The following PTN variants were observed in gnomAD, a reference collection of about 807,000 sequenced individuals.
The protein encoded by PTN is pleiotrophin, also known as heparin affin regulatory protein.
A neutral mutation model predicts 24.1 loss-of-function variants in PTN; 18 were observed. The observed-to-expected ratio is 0.75, with a 90% CI of 0.52 to 1.11. The LOEUF (loss-of-function observed/expected upper bound fraction) is 1.11, where lower values mean the gene tolerates loss of function less well. PTN is among the 50% of genes least tolerant of loss of function. The pLI, the probability that PTN is intolerant of heterozygous loss-of-function variation, is 0.00. For missense variants in PTN, 163 were observed against 198.8 expected (o/e 0.82, Z 1.08); for synonymous variants, 78 against 68.6 (o/e 1.14, Z -0.67).
At chr7:137,304,851 G>GA (rs1398854221) in intron 1 of PTN, among the ~76,000 whole-genome samples, 2 of 151,862 alleles carry the variant, frequency 1.3e-5, no homozygotes, top group Non-Finnish European at 2.9e-5. Context: ...GGAGCTGACA[G>GA]AAAAAAGGCA....
intron 1 of PTN, among the ~76,000 whole-genome samples, chr7:137,273,696 G>A (rs1158607966): frequency 6.6e-6 from 1 of 152,162 alleles, no homozygotes; most frequent in Admixed American, 6.5e-5. Context: ...GTGGAAATGA[G>A]TTAATCCTGG....
Position 137,284,005 on chromosome 7 carries a change from C to A in PTN, c.-1-29031G>T, listed in dbSNP as rs534533296. Among the ~76,000 whole-genome samples, 40 of 105,700 alleles carry A rather than the reference C, an allele frequency of 3.8e-4. 1 individual carries two copies. The Middle Eastern group carries it at 0.037, about 98-fold the overall frequency. The allele number at this position is 105,700 out of a possible 152,430, so 69.3% of individuals were successfully genotyped here. On this transcript the variant is annotated intron_variant, in intron 1 of 4. Transcript: ENST00000348225. The stretch of plus-strand genomic sequence containing the variant: ...TTTTTTTTTGAGATAGAGTCTCTGT[C>A]GCCCAGGCTGGAGTGCAGTGGCGAG...
At chr7:137,264,197 T>C (rs995602901) in intron 1 of PTN, among the ~76,000 whole-genome samples, 1 of 152,096 alleles carries the variant, frequency 6.6e-6, no homozygotes, top group African/African-American at 2.4e-5. Context: ...AAACATAACA[T>C]TTAGAGACTG....
chr7:137,240,804 T>A (rs79507647), intron 4 of PTN, among the ~76,000 whole-genome samples: 2,894 of 152,242 alleles, frequency 0.019, 99 homozygotes, highest in African/African-American at 0.067. Context: ...GATACCTGTA[T>A]GGAATGACAC....
chr7:137,309,208 T>C (rs1244636611), intron 1 of PTN, among the ~76,000 whole-genome samples: 2 of 152,218 alleles, frequency 1.3e-5, no homozygotes, highest in Admixed American at 6.5e-5. Flanking sequence ...GCATACAAAA[T>C]TTATGTTTAC....
intron 4 of PTN, among the ~76,000 whole-genome samples, chr7:137,233,947 T>C (rs1808474304): frequency 6.7e-6 from 1 of 149,762 alleles, no homozygotes; most frequent in African/African-American, 2.5e-5. Flanking sequence ...TATATGTATA[T>C]GTACACGTAT....
At chr7:137,308,865 T>G (rs1191688781) in intron 1 of PTN, among the ~76,000 whole-genome samples, 3 of 152,182 alleles carry the variant, frequency 2.0e-5, no homozygotes, top group African/African-American at 7.2e-5. Flanking sequence ...TGTCTGACAC[T>G]GACATTTTGA....
chr7:137,315,216 T>A (rs1562920679), intron 1 of PTN, among the ~76,000 whole-genome samples: 1 of 152,224 alleles, frequency 6.6e-6, no homozygotes, highest in Admixed American at 6.5e-5. Flanking sequence ...TGTACTTGAT[T>A]GTAATAAATT....
intron 1 of PTN, among the ~76,000 whole-genome samples, chr7:137,266,197 GGAT>G (rs1809141267): frequency 2.0e-5 from 3 of 152,204 alleles, no homozygotes; most frequent in Admixed American, 6.5e-5. Context: ...CAGAAAAACT[GGAT>G]GATACTTTTT....
chr7:137,262,025 T>TG (rs139482856), intron 1 of PTN, among the ~76,000 whole-genome samples: 22,943 of 152,198 alleles, frequency 0.15, 1,942 homozygotes, highest in South Asian at 0.28. Context: ...AAAAGAGTTC[T>TG]GGTTTCTATG....
At chr7:137,277,854 G>A (rs1809386897) in intron 1 of PTN, among the ~76,000 whole-genome samples, 1 of 150,862 alleles carries the variant, frequency 6.6e-6, no homozygotes, top group Non-Finnish European at 1.5e-5. Flanking sequence ...ATAAGCATGA[G>A]CCACCATGCC....
At chr7:137,250,596 T>C (rs1032360268) in intron 4 of PTN, among the ~76,000 whole-genome samples, 1 of 152,202 alleles carries the variant, frequency 6.6e-6, no homozygotes, top group Non-Finnish European at 1.5e-5. Flanking sequence ...TCAGTTGGGA[T>C]CCTTGTATGT....
chr7:137,314,015 CTATTT>C (rs1231288224), intron 1 of PTN, among the ~76,000 whole-genome samples: 2 of 152,032 alleles, frequency 1.3e-5, no homozygotes, highest in Non-Finnish European at 2.9e-5. Context: ...ATAATCTCAC[CTATTT>C]TATTTTATTT....
At chr7:137,283,952 ATTTTTTTTTTTTTTTTTTTTTT>A (rs753374720) in intron 1 of PTN, among the ~76,000 whole-genome samples, 1 of 48,912 alleles carries the variant, frequency 2.0e-5, no homozygotes, top group Non-Finnish European at 3.3e-5. Context: ...TGAGCATCAG[ATTTTTTTTTTTTTTTTTTTTTT>A]TTTTTTTTTT....
At chr7:137,279,532 A>G (rs1038208061) in intron 1 of PTN, among the ~76,000 whole-genome samples, 1 of 152,228 alleles carries the variant, frequency 6.6e-6, no homozygotes, top group African/African-American at 2.4e-5. Context: ...TAGAAGAGGA[A>G]GGACCTTCAG....
chr7:137,251,478 T>G, intron 3 of PTN, 87 bp from the exon 4 acceptor site: 1 of 1,419,730 alleles, frequency 7.0e-7, no homozygotes, highest in Admixed American at 1.9e-5. Context: ...GTTTGTAACT[T>G]TTTTATTGAA....
At chr7:137,259,570 A>G (rs1413090529) in intron 1 of PTN, among the ~76,000 whole-genome samples, 1 of 151,934 alleles carries the variant, frequency 6.6e-6, no homozygotes, top group Non-Finnish European at 1.5e-5. Context: ...GAATAAAATT[A>G]GTGTACCCCT....
At chr7:137,231,262 T>C (rs1158712039) in intron 4 of PTN, among the ~76,000 whole-genome samples, 2 of 151,954 alleles carry the variant, frequency 1.3e-5, no homozygotes, top group East Asian at 1.9e-4. Context: ...GTCTCACCCA[T>C]CTTCCTTATG....
intron 1 of PTN, among the ~76,000 whole-genome samples, chr7:137,292,657 T>G (rs984766694): frequency 6.6e-6 from 1 of 152,214 alleles, no homozygotes; most frequent in African/African-American, 2.4e-5. Context: ...AAATGCCTCA[T>G]ACAATGTGAA....
Sources: gnomAD v4.1 joint callset for allele counts (sites outside exome capture counted in the v4.1 genomes callset) on GRCh38, gnomAD v4.1.1 for gene constraint, MANE v1.5 for transcripts, NCBI Gene and HGNC (gene_info 2026-07-23, HGNC 2026-07-21) for gene names.